Variants in KHNYN observed in about 807,000 individuals in gnomAD.
KHNYN encodes the protein KH and NYN domain containing.
Under a neutral mutation model 62.7 loss-of-function variants are expected in KHNYN, and 42 were observed. That is an observed-to-expected ratio of 0.67 (90% CI 0.52 to 0.87). The LOEUF (loss-of-function observed/expected upper bound fraction) is 0.87. Among genes scored for constraint, KHNYN ranks in the 40% least tolerant of loss-of-function variants. The pLI, the probability that KHNYN is intolerant of heterozygous loss-of-function variation, is 0.00. For missense variants in KHNYN, 829 were observed against 874.1 expected, an observed-to-expected ratio of 0.95 and a Z score of 0.65; for synonymous variants, 347 against 345.6, an observed-to-expected ratio of 1.00 and a Z score of -0.04.
chr14:24,437,749 T>C lies in KHNYN; in HGVS notation c.*464T>C, dbSNP rs77629187. ...GGAGATGCTAGGCCCTGGCACAGTG[T>C]TATGTGGACTGGGCCACGATAGGGT... On this transcript the variant is annotated 3_prime_UTR_variant, in exon 8 of 8. Coordinates refer to ENST00000553935, the MANE Select transcript of KHNYN (RefSeq NM_015299.3). This position sits in a 1 kb window ranked among gnomAD's most constrained non-coding sequence, Gnocchi z 5.5. 0.044 allele frequency: 6,860 copies of C among 157,442 alleles called. 209 individuals are homozygous for C. Among genetic ancestry groups the C allele is most frequent in the East Asian group, 0.13 (705 of 5,374 alleles). The allele number at this position is 157,442 out of a possible 1,614,324, so 9.8% of individuals were successfully genotyped here. A position where few individuals can be genotyped will look rare whatever the true frequency, so the allele number is the denominator to read the frequency against.
Position 24,440,786 on chromosome 14 carries a change from A to G in KHNYN, c.*3501A>G. 6.2e-7 allele frequency: 1 copy of G among 1,613,824 alleles called. No individual in the cohort carries two copies. Among genetic ancestry groups the G allele is most frequent in the Non-Finnish European group, 8.5e-7 (1 of 1,179,830 alleles). ...GATACCCAGGCCCGTTTCTCACCTG[A>G]GCGCACCACCACCTGGCGTGTAGAA... On this transcript the variant is annotated 3_prime_UTR_variant, in exon 8 of 8. Transcript: ENST00000553935.
chr14:24,425,322 T>C (rs1035999043), upstream of KHNYN, among the ~76,000 whole-genome samples: 5 of 152,222 alleles, frequency 3.3e-5, no homozygotes, highest in African/African-American at 1.2e-4. Context: ...ACACTGTAGC[T>C]CCTAGCCAAG....
chr14:24,434,188 A>G, intron 5 of KHNYN: 1 of 985,390 alleles, frequency 1.0e-6, no homozygotes, highest in Non-Finnish European at 1.2e-6. Context: ...GTTTTAATGA[A>G]TGTTAAAGGC....
In KHNYN at chr14:24,440,591, C is replaced by T; in HGVS notation, c.*3306C>T. On this transcript the variant is annotated 3_prime_UTR_variant, in exon 8 of 8. Transcript: ENST00000553935. ...TTTCCCCTTCCTCACTCTCCCCATG[C>T]TGACTTGGCTCTGTAACAGAAGTGA... 1.4e-6 allele frequency: 2 copies of T among 1,440,466 alleles called. No individual in the cohort carries two copies. The highest frequency in any genetic ancestry group is 1.9e-6 in the Non-Finnish European group (2 of 1,053,150). 89.2% of individuals were successfully genotyped at this position (1,440,466 alleles called of 1,614,324 possible). A position where few individuals can be genotyped will look rare whatever the true frequency, so the allele number is the denominator to read the frequency against.
Position 24,440,629 on chromosome 14 carries a change from T to C in KHNYN, c.*3344T>C. 1 of 1,350,568 alleles carries C rather than the reference T, an allele frequency of 7.4e-7. No individual in the cohort carries two copies. Among genetic ancestry groups the C allele is most frequent in the South Asian group, 1.3e-5 (1 of 76,062 alleles). 83.7% of individuals were successfully genotyped at this position (1,350,568 alleles called of 1,614,324 possible). ...GTAACAGAAGTGAGCAGTATGGCTG[T>C]CTTTAAGACCTCACACCTTCTCATC... On this transcript the variant is annotated 3_prime_UTR_variant, in exon 8 of 8. Coordinates refer to ENST00000553935, the MANE Select transcript of KHNYN (RefSeq NM_015299.3).
upstream of KHNYN, among the ~76,000 whole-genome samples, chr14:24,424,474 T>C (rs1397891807): frequency 1.3e-5 from 2 of 152,240 alleles, no homozygotes; most frequent in Non-Finnish European, 2.9e-5. Flanking sequence ...AAGATGTCCA[T>C]GCCTTAATCC....
At chr14:24,431,002 C>CGGAGGAGAG in intron 2 of KHNYN, 71 bp downstream of exon 2, 2 of 1,433,410 alleles carry the variant, frequency 1.4e-6, no homozygotes, top group East Asian at 2.4e-5. Context: ...GAGAGCAGGG[C>CGGAGGAGAG]CGAGGAGAGC....
chr14:24,430,088 A>C lies in KHNYN; in HGVS notation c.-49A>C. 1 of 985,368 alleles carries C rather than the reference A, an allele frequency of 1.0e-6. No homozygotes were observed. Among genetic ancestry groups the C allele is most frequent in the Non-Finnish European group, 1.2e-6 (1 of 830,078 alleles). 61.0% of individuals were successfully genotyped at this position (985,368 alleles called of 1,614,324 possible). A position where few individuals can be genotyped will look rare whatever the true frequency, so the allele number is the denominator to read the frequency against. On this transcript the variant is annotated 5_prime_UTR_variant, in exon 1 of 8. Transcript: ENST00000553935. ...AAGCGGGGGCCTGGCGGGCGCTGAG[A>C]GGACCTGAAGCCGGCGCGGGCGGCG...
upstream of KHNYN, among the ~76,000 whole-genome samples, chr14:24,424,338 A>G (rs907935094): frequency 1.4e-4 from 21 of 152,222 alleles, no homozygotes; most frequent in Non-Finnish European, 1.5e-5. Context: ...GCTGGTATTT[A>G]TCTTGTATAT....
At chr14:24,428,550 T>C, upstream of KHNYN, 2 of 1,124,498 alleles carry the variant, frequency 1.8e-6, no homozygotes, top group Non-Finnish European at 1.2e-6. Context: ...TCAAAAGAAA[T>C]GGTGAGAAGG....
Position 24,436,387 on chromosome 14 carries a change from G to A in KHNYN, c.1686-1G>A. The A allele has an allele frequency of 1.2e-6, 2 of 1,613,892 alleles. No individual in the cohort carries two copies. Among genetic ancestry groups the A allele is most frequent in the African/African-American group, 1.3e-5 (1 of 75,056 alleles). On this transcript the variant is annotated splice_acceptor_variant, in intron 6 of 7. Coordinates refer to ENST00000553935, the MANE Select transcript of KHNYN (RefSeq NM_015299.3). LOFTEE classifies it high-confidence loss of function. ...ACCACACATTATCTTTCGCCATCCA[G>A]CCTGCTGCCCTTTACCTTTGTGGGA...
chr14:24,436,961 C>T (rs17103735), intron 7 of KHNYN, 75 bp from the exon 8 acceptor site: 33,857 of 1,534,196 alleles, frequency 0.022, 451 homozygotes, highest in Non-Finnish European at 0.026. Flanking sequence ...AGGACAATTA[C>T]GAGAGGGGTG....
rs779232505 is a variant in KHNYN at position 24,441,706 on chromosome 14, G to A, written c.*4421G>A. 1.9e-6 allele frequency: 3 copies of A among 1,595,468 alleles called. No homozygotes were observed. The South Asian group carries it at 3.4e-5, about 18-fold the overall frequency. ...TGTGACTAAGACCCAGGCCTTGGGG[G>A]GTTGTGGGGCTTTGGTGATGGCTTT... is the stretch of plus-strand genomic sequence containing the variant. On this transcript the variant is annotated 3_prime_UTR_variant, in exon 8 of 8. Transcript: ENST00000553935.
In KHNYN at chr14:24,431,733, A is replaced by G. The variant is rs1326757358; in HGVS notation, c.472A>G (p.Thr158Ala). ...PGPSSGASQC[T>A]GVLRDFSALL... ...ACCATCTTCCGGAGCCTCTCAGTGT[A>G]CTGGAGTGCTGAGAGACTTCTCTGC... The change falls in exon 3 of 8, where the codon ACT (threonine) becomes GCT (alanine). Residue 158 changes from threonine (T) to alanine (A), a missense_variant. Physicochemically the swap from Thr to Ala is moderately conservative, Grantham distance 58. Coordinates refer to ENST00000553935, the MANE Select transcript of KHNYN (RefSeq NM_015299.3). 6.2e-7 allele frequency: 1 copy of G among 1,614,044 alleles called. No individual in the cohort carries two copies. The highest frequency in any genetic ancestry group is 1.3e-5 in the African/African-American group (1 of 74,938).
upstream of KHNYN, among the ~76,000 whole-genome samples, chr14:24,426,131 C>T (rs1251282371): frequency 1.3e-5 from 2 of 152,182 alleles, no homozygotes; most frequent in Admixed American, 6.5e-5. Context: ...ATTGCAGGTA[C>T]ATGGATTTAA....
Position 24,441,074 on chromosome 14 carries a change from T to G in KHNYN, c.*3789T>G. 1.1e-6 allele frequency: 1 copy of G among 876,846 alleles called. No homozygotes were observed. Among genetic ancestry groups the G allele is most frequent in the Middle Eastern group, 2.1e-4 (1 of 4,736 alleles). The allele number at this position is 876,846 out of a possible 1,614,324, so 54.3% of individuals were successfully genotyped here. ...CATTTGGATATTTTCCCCTTGAACT[T>G]CTCCATGACCTGAAGCGTTCCTTCC... On this transcript the variant is annotated 3_prime_UTR_variant, in exon 8 of 8. Transcript: ENST00000553935.
In KHNYN at chr14:24,430,867, G is replaced by C; in HGVS notation, c.137G>C (p.Cys46Ser). Reference sequence around the variant, plus strand: ...GGGGTGAGCGTCCTTCCGAAGGACTGTCCGGACAACCCCCACATCTGGCTG... The same window carrying C: ...GGGGTGAGCGTCCTTCCGAAGGACTCTCCGGACAACCCCCACATCTGGCTG... Reference protein sequence around the residue: ...SVGVSVLPKDCPDNPHIWLQL... With the variant: ...SVGVSVLPKDSPDNPHIWLQL... Residue 46 changes from cysteine to serine, a missense_variant, in exon 2 of 8, where the codon TGT (cysteine) becomes TCT (serine). By Grantham distance (112) the Cys-to-Ser change is moderately radical. Around this residue, in one of 2 missense-constraint regions of KHNYN, gnomAD observed 559 missense variants for 527.0 expected, o/e 1.06. Transcript: ENST00000553935. 6.2e-7 allele frequency: 1 copy of C among 1,614,042 alleles called. No homozygotes were observed. Among genetic ancestry groups the C allele is most frequent in the South Asian group, 1.1e-5 (1 of 91,056 alleles).
Position 24,441,443 on chromosome 14 carries a change from G to C in KHNYN, c.*4158G>C, listed in dbSNP as rs2043336261. 1.9e-6 allele frequency: 1 copy of C among 514,228 alleles called. No individual in the cohort carries two copies. Among genetic ancestry groups the C allele is most frequent in the Non-Finnish European group, 3.4e-6 (1 of 294,890 alleles). 31.9% of individuals were successfully genotyped at this position (514,228 alleles called of 1,614,324 possible). A position where few individuals can be genotyped will look rare whatever the true frequency, so the allele number is the denominator to read the frequency against. ...TGGTGTGAGAAGTAAGGGACTTTGG[G>C]ATAGGTGGACTTTTCCCTGGCATTG... On this transcript the variant is annotated 3_prime_UTR_variant, in exon 8 of 8. Coordinates refer to ENST00000553935, the MANE Select transcript of KHNYN (RefSeq NM_015299.3).
At chr14:24,428,825 A>G (rs1223850375), upstream of KHNYN, 1 of 1,612,642 alleles carries the variant, frequency 6.2e-7, no homozygotes, top group Non-Finnish European at 8.5e-7. Flanking sequence ...GTGGCTTCGG[A>G]CCGCAGCAAA....
Sources: gnomAD v4.1 joint callset for allele counts (sites outside exome capture counted in the v4.1 genomes callset) on GRCh38, gnomAD v4.1.1 for gene constraint, gnomAD v4.1.1 regional missense constraint, Gnocchi (gnomAD v3.1) non-coding constraint, MANE v1.5 for transcripts, NCBI Gene and HGNC (gene_info 2026-07-23, HGNC 2026-07-21) for gene names.